Variants in TIA1 observed in about 807,000 individuals in gnomAD.
TIA1 encodes TIA1 cytotoxic granule associated RNA binding protein, also known as cytotoxic granule associated RNA binding protein TIA1.
In TIA1, 23 loss-of-function variants were observed where a neutral mutation model predicts 65.9. The observed-to-expected ratio is 0.35, with a 90% CI of 0.25 to 0.49. The LOEUF is 0.49. TIA1 is among the 20% of genes least tolerant of loss of function. The pLI is 0.98. For missense variants in TIA1, 371 were observed against 477.9 expected (o/e 0.78, Z 2.09); for synonymous variants, 147 against 149.4 (o/e 0.98, Z 0.12).
chr2:70,221,061 C>T (rs145606332), intron 7 of TIA1, among the ~76,000 whole-genome samples: 1,751 of 152,086 alleles, frequency 0.012, 38 homozygotes, highest in African/African-American at 0.04. Flanking sequence ...GGCTGGAGTG[C>T]AGTGGCATAA....
intron 6 of TIA1, chr2:70,225,402 TA>T: frequency 7.8e-7 from 1 of 1,288,814 alleles, no homozygotes; most frequent in Non-Finnish European, 1.0e-6. Context: ...CTCTGCAAAA[TA>T]ACCAGAGCCC....
At chr2:70,232,160 G>C (rs1686638405) in intron 2 of TIA1, among the ~76,000 whole-genome samples, 1 of 136,878 alleles carries the variant, frequency 7.3e-6, no homozygotes, top group South Asian at 2.3e-4. Context: ...AGTGAGCCGA[G>C]ATTGCACCAC....
At chr2:70,225,051 A>T (rs1573427064) in intron 6 of TIA1, 1 of 982,534 alleles carries the variant, frequency 1.0e-6, no homozygotes, top group South Asian at 4.0e-5. Flanking sequence ...AAAACTGGAA[A>T]CCAAAAGAAT....
At chr2:70,232,725 T>A (rs2104499557) in intron 2 of TIA1, among the ~76,000 whole-genome samples, 1 of 147,454 alleles carries the variant, frequency 6.8e-6, no homozygotes, top group East Asian at 2.1e-4. Context: ...AAAAATCAGC[T>A]GGGTGTGGTG....
At position 70,210,037 on chromosome 2, in the gene TIA1, A is replaced by C. The variant is rs1676094285; in HGVS notation, c.*2682T>G. On this transcript the variant is annotated 3_prime_UTR_variant, in exon 13 of 13. Coordinates refer to ENST00000433529, the MANE Select transcript of TIA1 (RefSeq NM_022173.4). The stretch of plus-strand genomic sequence containing the variant: ...GAGACCCTGGTTTCATAATTAATTA[A>C]ATCTGCAGAATGCCAATTCCATTTG... 1 of 260,526 alleles carries C rather than the reference A, an allele frequency of 3.8e-6. No homozygotes were observed. The allele number at this position is 260,526 out of a possible 1,614,324, so 16.1% of individuals were successfully genotyped here.
At position 70,229,583 on chromosome 2, in the gene TIA1, C is replaced by T. The variant is rs116918783; in HGVS notation, c.223-265G>A. Among the ~76,000 whole-genome samples the T allele has an allele frequency of 1.8e-3, 278 of 152,100 alleles. 6 individuals are homozygous for T. In the East Asian group the frequency reaches 0.047, roughly 26 times the overall value. ...TATTTTTTTTCCTTTCATTCTTTTCCATTAGCATCCAAGCTTGAGTAATTC... is the reference window on the plus strand; with the variant it reads ...TATTTTTTTTCCTTTCATTCTTTTCTATTAGCATCCAAGCTTGAGTAATTC... On this transcript the variant is annotated intron_variant, in intron 3 of 12. Coordinates refer to ENST00000433529, the MANE Select transcript of TIA1 (RefSeq NM_022173.4).
At chr2:70,228,818 T>A (rs1344419878) in intron 5 of TIA1, 5 of 1,392,764 alleles carry the variant, frequency 3.6e-6, no homozygotes, top group Non-Finnish European at 4.6e-6. Context: ...CCTTAGTTGG[T>A]GAAAGTAGTT....
Position 70,248,623 on chromosome 2 carries a change from G to T in TIA1, c.-193C>A. On this transcript the variant is annotated 5_prime_UTR_variant, in exon 1 of 13. Coordinates refer to ENST00000433529, the MANE Select transcript of TIA1 (RefSeq NM_022173.4). ...GAACAATGAAACCCCAATACAAGAT[G>T]GCGGCGAGCCGGGAGCCTAGGAGCA... 1.3e-6 allele frequency: 1 copy of T among 745,934 alleles called. No individual in the cohort carries two copies. The highest frequency in any genetic ancestry group is 2.2e-6 in the Non-Finnish European group (1 of 458,010). 46.2% of individuals were successfully genotyped at this position (745,934 alleles called of 1,614,324 possible). A position where few individuals can be genotyped will look rare whatever the true frequency, so the allele number is the denominator to read the frequency against.
intron 1 of TIA1, among the ~76,000 whole-genome samples, chr2:70,242,149 G>A (rs1217259819): frequency 1.3e-5 from 2 of 151,934 alleles, no homozygotes; most frequent in Non-Finnish European, 2.9e-5. Context: ...CCATTCTTCC[G>A]CAAAACCCTC....
At chr2:70,223,061 A>T (rs1029876371) in intron 7 of TIA1, among the ~76,000 whole-genome samples, 4 of 152,254 alleles carry the variant, frequency 2.6e-5, no homozygotes, top group Non-Finnish European at 5.9e-5. Flanking sequence ...TACTAAATAC[A>T]CATTCAACAG....
intron 1 of TIA1, 30 bp downstream of exon 1, chr2:70,248,375 C>G: frequency 6.3e-7 from 1 of 1,596,890 alleles, no homozygotes; most frequent in African/African-American, 1.3e-5. Flanking sequence ...GACCACCATC[C>G]CGCCTCCCTC....
chr2:70,242,437 T>C (rs533040631), intron 1 of TIA1, among the ~76,000 whole-genome samples: 17 of 117,892 alleles, frequency 1.4e-4, no homozygotes, highest in Non-Finnish European at 2.1e-4. Flanking sequence ...AAGTGGAGGT[T>C]GCAGTGAGCC....
intron 6 of TIA1, among the ~76,000 whole-genome samples, chr2:70,226,840 A>G (rs1384372074): frequency 1.3e-5 from 2 of 152,132 alleles, no homozygotes; most frequent in South Asian, 4.1e-4. Flanking sequence ...ACCACCTTTA[A>G]AGTTGGTAAT....
chr2:70,228,790 A>G (rs1161361238), intron 5 of TIA1: 1 of 1,356,656 alleles, frequency 7.4e-7, no homozygotes, highest in East Asian at 2.9e-5. Context: ...TGACCTCAAG[A>G]AAGGAGGGTA....
intron 7 of TIA1, 111 bp from the exon 8 acceptor site, chr2:70,217,105 C>T (rs1353547534): frequency 5.4e-6 from 6 of 1,102,600 alleles, no homozygotes; most frequent in African/African-American, 1.6e-5. Flanking sequence ...AGTGAAAATG[C>T]TCTATGAAAT....
Position 70,236,178 on chromosome 2 carries a change from G to T in TIA1, c.27-3C>A. The T allele has an allele frequency of 6.4e-7, 1 of 1,561,816 alleles. No homozygotes were observed. ...CTCTGGAAAGGTTACCGACGTATCTGAAACACAAAGAGAAACAATTTACCT... is the reference window on the plus strand; with the variant it reads ...CTCTGGAAAGGTTACCGACGTATCTTAAACACAAAGAGAAACAATTTACCT... On this transcript the variant is annotated splice_region_variant and splice_polypyrimidine_tract_variant and intron_variant, in intron 1 of 12. Transcript: ENST00000433529.
rs112509261 is a variant in TIA1 at position 70,217,304 on chromosome 2, G to T, written c.475-310C>A. On this transcript the variant is annotated intron_variant, in intron 7 of 12. Coordinates refer to ENST00000433529, the MANE Select transcript of TIA1 (RefSeq NM_022173.4). ...CTCCTGCCTCAGCCTCCTGAGTAGCGGGGATTACAGGCATCTGCCACCATG... is the reference window on the plus strand; with the variant it reads ...CTCCTGCCTCAGCCTCCTGAGTAGCTGGGATTACAGGCATCTGCCACCATG... The T allele has an allele frequency of 0.08, 15,042 of 187,186 alleles. 667 individuals are homozygous for T. The highest frequency in any genetic ancestry group is 0.17 in the East Asian group (1,311 of 7,622). 11.6% of individuals were successfully genotyped at this position (187,186 alleles called of 1,614,324 possible). A position where few individuals can be genotyped will look rare whatever the true frequency, so the allele number is the denominator to read the frequency against.
intron 2 of TIA1, among the ~76,000 whole-genome samples, chr2:70,231,058 G>C (rs927463851): frequency 6.6e-6 from 1 of 152,174 alleles, no homozygotes; most frequent in Non-Finnish European, 1.5e-5. Context: ...CCAGCACTTT[G>C]GGAGGCCAAG....
At chr2:70,217,091 T>C (rs1344276421) in intron 7 of TIA1, 97 bp from the exon 8 acceptor site, 4 of 1,275,906 alleles carry the variant, frequency 3.1e-6, no homozygotes, top group Non-Finnish European at 3.2e-6. Context: ...TTCACAAATG[T>C]TTAAGTGAAA....
Sources: allele counts gnomAD v4.1 joint callset (sites outside exome capture counted in the v4.1 genomes callset), GRCh38; gene constraint gnomAD v4.1.1; transcripts MANE v1.5; gene names NCBI Gene and HGNC (gene_info 2026-07-23, HGNC 2026-07-21).